The following ARHGAP9 variants were observed in gnomAD, a reference collection of about 807,000 sequenced individuals.
ARHGAP9 encodes Rho GTPase activating protein 9, also known as rho GTPase-activating protein 9.
ARHGAP9 carries 76 observed loss-of-function variants against 87.3 expected under a neutral mutation model. The observed-to-expected ratio is 0.87, with a 90% confidence interval of 0.72 to 1.05. The LOEUF is 1.05. ARHGAP9 is among the 50% of genes least tolerant of loss of function. ARHGAP9 has a pLI of 0.00. For synonymous variants in ARHGAP9, 382 were observed against 394.9 expected (o/e 0.97, Z 0.39); for missense variants, 941 against 960.5 (o/e 0.98, Z 0.27).
chr12:57,482,684 G>A (rs777446143), upstream of ARHGAP9, among the ~76,000 whole-genome samples: 1 of 152,094 alleles, frequency 6.6e-6, no homozygotes, highest in Non-Finnish European at 1.5e-5. Flanking sequence ...CAGCCTAGGC[G>A]ACAGAGTGAG....
At chr12:57,487,886 C>T (rs1235068188) in intron 1 of ARHGAP9, 2 of 552,506 alleles carry the variant, frequency 3.6e-6, no homozygotes, top group Non-Finnish European at 6.5e-6. Context: ...TGCAGTCTAG[C>T]CCGCATCTGC....
chr12:57,479,641 T>C (rs1474536866), intron 1 of ARHGAP9, 89 bp downstream of exon 1: 4 of 1,548,556 alleles, frequency 2.6e-6, no homozygotes, highest in Non-Finnish European at 3.5e-6. Flanking sequence ...GTAAGTAACA[T>C]GAGAGAGGAT....
At position 57,474,055 on chromosome 12, in the gene ARHGAP9, G is replaced by T. The variant is rs746718619; in HGVS notation, c.1905C>A (p.Phe635Leu). The change falls in exon 16 of 18, where the codon TTC becomes TTA. Residue 635 changes from phenylalanine (F) to leucine (L), a missense_variant. Coordinates refer to ENST00000393791, the MANE Select transcript of ARHGAP9 (RefSeq NM_032496.4). ...TCCAACCCTTACCAAGGGCAGCACG[G>T]AAATGGGGCAGCAGCAGTGGTGGCA... ...PLVPPLLLPH[F>L]RAALALSESE... The T allele has an allele frequency of 3.1e-6, 5 of 1,613,892 alleles. No individual in the cohort carries two copies. The highest frequency in any genetic ancestry group is 4.2e-6 in the Non-Finnish European group (5 of 1,179,898).
rs1471589021 is a variant in ARHGAP9, at chr12:57,476,159, G to C, written c.1124C>G (p.Ala375Gly). The C allele has an allele frequency of 6.5e-7, 1 of 1,540,770 alleles. No homozygotes were observed. Among genetic ancestry groups the C allele is most frequent in the Non-Finnish European group, 8.8e-7 (1 of 1,142,502 alleles). ...PTAPSSGWGP[A>G]GSRPESSVDL... ...CACGCTACTTTCGGGCCGGCTACCC[G>C]CTGGTCCCTGACAATGAGGGAGGAA... Residue 375 changes from alanine (A) to glycine (G), a missense_variant, in exon 9 of 18, where the codon GCG becomes GGG. Ala to Gly is a moderately conservative substitution (Grantham distance 60). Transcript: ENST00000393791.
Position 57,476,401 on chromosome 12 carries a change from T to C in ARHGAP9, c.1079A>G (p.Tyr360Cys), listed in dbSNP as rs766385992. 8 of 1,614,018 alleles carry C rather than the reference T, an allele frequency of 5.0e-6. No homozygotes were observed. The highest frequency in any genetic ancestry group is 5.9e-6 in the Non-Finnish European group (7 of 1,179,996). The part of the protein sequence containing the change: ...VVLTGNSLVF[Y>C]REPPPTAPSS... ...GGGCGCTGTCGGCGGTGGCTCTCGG[T>C]AGAACACCAGGCTGTTACCCGTTAA... is the stretch of plus-strand genomic sequence containing the variant. Residue 360 changes from tyrosine (Y) to cysteine (C), a missense_variant, in exon 8 of 18, where the codon TAC (tyrosine) becomes TGC (cysteine). Tyr to Cys is a radical substitution (Grantham distance 194). Transcript: ENST00000393791.
At chr12:57,482,964 C>T (rs918873277), upstream of ARHGAP9, among the ~76,000 whole-genome samples, 9 of 151,090 alleles carry the variant, frequency 6.0e-5, no homozygotes, top group African/African-American at 9.8e-5. Context: ...CTGGGCATGG[C>T]GGCAGGTGTC....
In ARHGAP9 at chr12:57,474,445, C is replaced by T. The variant is rs904552272; in HGVS notation, c.1761G>A (p.Val587=). ...ERAVTSDGRY[V]FPEQPGQEGR... ...TACCTTGTCCTGGCTGTTCTGGGAA[C>T]ACATACCTCCCATCGGAGGTGACCG... Residue 587 remains valine (V), a synonymous_variant, in exon 15 of 18, where the codon GTG becomes GTA. Coordinates refer to ENST00000393791, the MANE Select transcript of ARHGAP9 (RefSeq NM_032496.4). 8 of 1,614,026 alleles carry T rather than the reference C, an allele frequency of 5.0e-6. No homozygotes were observed. Among genetic ancestry groups the T allele is most frequent in the African/African-American group, 1.3e-5 (1 of 74,910 alleles).
At chr12:57,478,122 C>T (rs1874444090) in intron 3 of ARHGAP9, 2 of 353,158 alleles carry the variant, frequency 5.7e-6, no homozygotes, top group Non-Finnish European at 4.9e-6. Context: ...CTAGAGGAGA[C>T]CTGCTGTAGC....
chr12:57,476,004 C>A, intron 9 of ARHGAP9, 67 bp downstream of exon 9: 1 of 1,518,540 alleles, frequency 6.6e-7, no homozygotes. Context: ...AGCGGGAGGC[C>A]TGCGCGGGAG....
intron 3 of ARHGAP9, 88 bp downstream of exon 3, chr12:57,478,452 T>A (rs900218900): frequency 5.4e-6 from 7 of 1,301,986 alleles, no homozygotes; most frequent in Non-Finnish European, 7.6e-6. Context: ...TTTTTGTGTT[T>A]GTCATCCCCA....
chr12:57,486,118 G>T (rs1000034386), intron 1 of ARHGAP9, among the ~76,000 whole-genome samples: 1 of 152,084 alleles, frequency 6.6e-6, no homozygotes. Flanking sequence ...AATATAAAGT[G>T]CTTAAAACAG....
At chr12:57,476,049 G>C in intron 9 of ARHGAP9, 22 bp downstream of exon 9, 1 of 1,515,736 alleles carries the variant, frequency 6.6e-7, no homozygotes, top group Non-Finnish European at 8.8e-7. Flanking sequence ...GGGGCCTTGG[G>C]GACGCGCGGG....
intron 1 of ARHGAP9, chr12:57,488,601 T>C (rs1270813725): frequency 6.4e-6 from 10 of 1,551,118 alleles, no homozygotes; most frequent in Non-Finnish European, 8.7e-6. Flanking sequence ...CACACGTTCC[T>C]TTCTGTTTAC....
upstream of ARHGAP9, among the ~76,000 whole-genome samples, chr12:57,484,530 T>C (rs1170380756): frequency 3.9e-5 from 6 of 152,212 alleles, no homozygotes; most frequent in Non-Finnish European, 5.9e-5. Flanking sequence ...ATTTTGTTGA[T>C]AACTGTACCT....
chr12:57,480,407 C>G (rs1874893600), upstream of ARHGAP9, among the ~76,000 whole-genome samples: 2 of 152,046 alleles, frequency 1.3e-5, no homozygotes, highest in African/African-American at 4.8e-5. Flanking sequence ...GTCTAGAACT[C>G]CTGACCTCAG....
intron 1 of ARHGAP9, among the ~76,000 whole-genome samples, chr12:57,486,944 T>C (rs917055273): frequency 9.9e-5 from 15 of 151,596 alleles, no homozygotes; most frequent in Admixed American, 9.9e-4. Flanking sequence ...TCGAGCTGTA[T>C]ATGAACTCAG....
At chr12:57,474,260 G>T in intron 15 of ARHGAP9, 84 bp from the exon 16 acceptor site, 1 of 1,584,296 alleles carries the variant, frequency 6.3e-7, no homozygotes, top group Non-Finnish European at 8.6e-7. Context: ...GAGAAATCCA[G>T]TCAAAGCAGA....
intron 2 of ARHGAP9, 135 bp from the exon 3 acceptor site, chr12:57,478,892 G>A (rs1874624046): frequency 9.1e-7 from 1 of 1,094,166 alleles, no homozygotes; most frequent in Non-Finnish European, 1.3e-6. Context: ...AGACCTAGAA[G>A]CCTTAGGACT....
At chr12:57,477,061 G>A (rs1874031396) in intron 5 of ARHGAP9, 95 bp downstream of exon 5, 2 of 1,505,130 alleles carry the variant, frequency 1.3e-6, no homozygotes, top group Non-Finnish European at 1.8e-6. Context: ...AGAGGTGGGG[G>A]GTGTGGTGGG....
Sources: gnomAD v4.1 joint callset for allele counts (sites outside exome capture counted in the v4.1 genomes callset) on GRCh38, gnomAD v4.1.1 for gene constraint, MANE v1.5 for transcripts, NCBI Gene and HGNC (gene_info 2026-07-23, HGNC 2026-07-21) for gene names.